The following CSMD1 variants were observed in gnomAD, a reference collection of about 807,000 sequenced individuals.
CSMD1 encodes CUB and Sushi multiple domains 1, also known as CUB and sushi domain-containing protein 1.
In CSMD1, 213 loss-of-function variants were observed where a neutral mutation model predicts 417.5. The ratio of observed to expected loss-of-function variants is 0.51; its 90% CI spans 0.46 to 0.57. CSMD1 has a LOEUF of 0.57. Among genes scored for constraint, CSMD1 ranks in the 20% least tolerant of loss-of-function variants. The pLI is 0.00. For missense variants in CSMD1, 6,923 were observed against 4,529.7 expected, an observed-to-expected ratio of 1.53 and a Z score of -15.17; for synonymous variants, 2,862 against 1,736.8, an observed-to-expected ratio of 1.65 and a Z score of -16.11.
At chr8:4,424,827 C>T (rs754948812) in intron 2 of CSMD1, among the ~76,000 whole-genome samples, 1 of 152,034 alleles carries the variant, frequency 6.6e-6, no homozygotes, top group East Asian at 1.9e-4. Context: ...GTGGTTTCCA[C>T]TTGAGAAACT....
rs949612985 is a variant in CSMD1 at position 3,258,435 on chromosome 8, G to C, written c.4153+25709C>G. 2.0e-5 allele frequency among the ~76,000 whole-genome samples: 3 copies of C among 152,026 alleles called. No homozygotes were observed. The East Asian group carries it at 5.8e-4, about 29-fold the overall frequency. On this transcript the variant is annotated intron_variant, in intron 26 of 69. Transcript: ENST00000635120. ...TTACAATGGCTATTACTGAAAAACCGAGATATAAAAGATGCTGGTGAGGTT... is the reference window on the plus strand; with the variant it reads ...TTACAATGGCTATTACTGAAAAACCCAGATATAAAAGATGCTGGTGAGGTT...
At chr8:3,539,873 G>A (rs761478991) in intron 10 of CSMD1, among the ~76,000 whole-genome samples, 6 of 152,060 alleles carry the variant, frequency 3.9e-5, no homozygotes, top group Admixed American at 6.5e-5. Context: ...TCGACCAAAC[G>A]AACTTAGAAA....
intron 5 of CSMD1, among the ~76,000 whole-genome samples, chr8:3,965,105 C>T (rs748409149): frequency 5.9e-5 from 9 of 152,160 alleles, no homozygotes; most frequent in Non-Finnish European, 1.0e-4. Flanking sequence ...AAATGGATAA[C>T]TTCAGGCTAT....
chr8:3,861,727 T>G (rs1165961741), intron 5 of CSMD1, among the ~76,000 whole-genome samples: 3 of 152,202 alleles, frequency 2.0e-5, no homozygotes, highest in African/African-American at 7.2e-5. Context: ...GTGTTTTGTC[T>G]GCTATAAAGA....
chr8:3,278,935 TTAA>T (rs1802519014), intron 26 of CSMD1: 1 of 152,214 alleles, frequency 6.6e-6, no homozygotes, highest in African/African-American at 2.4e-5. Flanking sequence ...GGTCAGTTTC[TTAA>T]TTACGACTGA....
At chr8:2,997,348 T>C (rs1325393908) in intron 54 of CSMD1, among the ~76,000 whole-genome samples, 5 of 152,342 alleles carry the variant, frequency 3.3e-5, no homozygotes, top group Admixed American at 3.3e-4. Flanking sequence ...TATTTGAAGA[T>C]AGCTCCCGTG....
chr8:4,150,913 C>A (rs988699695), intron 3 of CSMD1, among the ~76,000 whole-genome samples: 47 of 121,194 alleles, frequency 3.9e-4, no homozygotes, highest in African/African-American at 1.4e-3. Context: ...TGTTTTGTTC[C>A]CTCTCCTGTG....
At chr8:3,163,170 T>A (rs546781164) in intron 37 of CSMD1, among the ~76,000 whole-genome samples, 115 of 152,290 alleles carry the variant, frequency 7.6e-4, no homozygotes, top group African/African-American at 2.6e-3. Context: ...GCATTTGAAA[T>A]GGTGCTAAGG....
intron 3 of CSMD1, among the ~76,000 whole-genome samples, chr8:4,326,367 C>G (rs997602717): frequency 2.0e-5 from 3 of 152,062 alleles, no homozygotes; most frequent in African/African-American, 4.8e-5. Context: ...ACGACGATCA[C>G]CAATGTGGCG....
chr8:4,175,148 T>C (rs1797973813), intron 3 of CSMD1, among the ~76,000 whole-genome samples: 1 of 152,008 alleles, frequency 6.6e-6, no homozygotes, highest in East Asian at 1.9e-4. Flanking sequence ...ACCTCGACCA[T>C]CAAGAAAGAT....
chr8:4,010,061 A>G (rs1816426952), intron 4 of CSMD1, among the ~76,000 whole-genome samples: 2 of 152,144 alleles, frequency 1.3e-5, no homozygotes, highest in Admixed American at 6.5e-5. Flanking sequence ...TCAATTATAA[A>G]CAGAATTTCC....
At chr8:3,987,753 T>C (rs1814441121) in intron 5 of CSMD1, among the ~76,000 whole-genome samples, 1 of 152,150 alleles carries the variant, frequency 6.6e-6, no homozygotes, top group South Asian at 2.1e-4. Context: ...AATGTAAATA[T>C]TGACAGGACT....
intron 2 of CSMD1, among the ~76,000 whole-genome samples, chr8:4,427,432 T>C (rs557814904): frequency 2.0e-5 from 3 of 151,986 alleles, no homozygotes; most frequent in Admixed American, 6.6e-5. Context: ...TGGACTTAGA[T>C]ACCATCCGGG....
chr8:4,845,265 C>T (rs958072648), intron 1 of CSMD1, among the ~76,000 whole-genome samples: 11 of 152,082 alleles, frequency 7.2e-5, no homozygotes, highest in Non-Finnish European at 1.5e-4. Flanking sequence ...CACAAGAAAG[C>T]CATCAACATT....
At chr8:3,085,234 G>T (rs1010812163) in intron 49 of CSMD1, among the ~76,000 whole-genome samples, 2 of 152,010 alleles carry the variant, frequency 1.3e-5, no homozygotes, top group Non-Finnish European at 2.9e-5. Context: ...TAGTTCAACT[G>T]GATTGTTTTT....
At chr8:4,203,209 T>C (rs141658958) in intron 3 of CSMD1, among the ~76,000 whole-genome samples, 1 of 152,166 alleles carries the variant, frequency 6.6e-6, no homozygotes, top group Admixed American at 6.5e-5. Flanking sequence ...CTTGCTGGCT[T>C]TGAAGATGGA....
intron 18 of CSMD1, 115 bp from the exon 19 acceptor site, chr8:3,369,485 A>T: frequency 1.6e-6 from 1 of 613,852 alleles, no homozygotes; most frequent in Non-Finnish European, 2.9e-6. Context: ...TTAATGTCAT[A>T]TCCAAGAAAA....
chr8:4,631,296 A>G (rs1220213075), intron 2 of CSMD1, among the ~76,000 whole-genome samples: 2 of 152,040 alleles, frequency 1.3e-5, no homozygotes, highest in Non-Finnish European at 1.5e-5. Context: ...TGGGAGGCAG[A>G]GGTTGCAGTG....
intron 12 of CSMD1, among the ~76,000 whole-genome samples, chr8:3,452,926 G>A (rs140832437): frequency 0.088 from 13,319 of 152,126 alleles, 639 homozygotes; most frequent in Middle Eastern, 0.13. Flanking sequence ...GGTAGAATTC[G>A]GCTGTGAATC....
Sources: gnomAD v4.1 joint callset for allele counts (sites outside exome capture counted in the v4.1 genomes callset) on GRCh38, gnomAD v4.1.1 for gene constraint, MANE v1.5 for transcripts, NCBI Gene and HGNC (gene_info 2026-07-23, HGNC 2026-07-21) for gene names.